WDR7: variants seen among roughly 807,000 people sequenced by gnomAD.
WDR7 encodes WD repeat-containing protein 7.
A neutral mutation model predicts 169.4 loss-of-function variants in WDR7; 46 were observed. That is an observed-to-expected ratio of 0.27 (90% CI 0.21 to 0.35). WDR7 has a LOEUF of 0.35. Ranked by LOEUF, WDR7 falls within the 10% of genes least tolerant of loss-of-function variation. The pLI, the probability that WDR7 is intolerant of heterozygous loss-of-function variation, is 1.00. For missense variants in WDR7, 1,534 were observed against 1,859.3 expected (o/e 0.83, Z 3.22); for synonymous variants, 612 against 666.8 (o/e 0.92, Z 1.27).
At position 57,010,457 on chromosome 18, in the gene WDR7, G is replaced by C. The variant is rs192957866; in HGVS notation, c.4165-10288G>C. The C allele has an allele frequency of 1.6e-5, 5 of 303,042 alleles. No individual in the cohort carries two copies. In the South Asian group the frequency reaches 5.2e-4, roughly 31 times the overall value. 18.8% of individuals were successfully genotyped at this position (303,042 alleles called of 1,614,324 possible). A position where few individuals can be genotyped will look rare whatever the true frequency, so the allele number is the denominator to read the frequency against. On this transcript the variant is annotated intron_variant, in intron 26 of 27. Coordinates refer to ENST00000254442, the MANE Select transcript of WDR7 (RefSeq NM_015285.3). ...TTTAAATGTTAAATTATATCAAAAC[G>C]TTATGTTTTCATTTATGTCTTTAGG...
intron 26 of WDR7, among the ~76,000 whole-genome samples, chr18:56,970,251 GT>G (rs34022808): frequency 0.05 from 7,070 of 140,832 alleles, 544 homozygotes; most frequent in African/African-American, 0.17. Flanking sequence ...TTTTTTTGCT[GT>G]TTTTTTTTTC....
intron 19 of WDR7, chr18:56,781,922 A>G (rs1408489792): frequency 1.6e-5 from 4 of 242,430 alleles, no homozygotes; most frequent in East Asian, 8.3e-5. Context: ...CAAACATCCT[A>G]CTCTAGTACT....
Position 56,939,291 on chromosome 18 carries a change from T to C in WDR7, c.3982-20T>C. 1.3e-6 allele frequency: 2 copies of C among 1,490,738 alleles called. No homozygotes were observed. Among genetic ancestry groups the C allele is most frequent in the Non-Finnish European group, 1.8e-6 (2 of 1,114,050 alleles). 92.3% of individuals were successfully genotyped at this position (1,490,738 alleles called of 1,614,324 possible). The stretch of plus-strand genomic sequence containing the variant: ...TTAAGTATTTGAAATTAATTTTAAA[T>C]CTGTTCTTTTCTGTCAAAGGTTATG... On this transcript the variant is annotated intron_variant, in intron 24 of 27. Coordinates refer to ENST00000254442, the MANE Select transcript of WDR7 (RefSeq NM_015285.3).
intron 20 of WDR7, among the ~76,000 whole-genome samples, chr18:56,822,073 T>A (rs1273550927): frequency 2.0e-5 from 3 of 152,156 alleles, no homozygotes; most frequent in Non-Finnish European, 4.4e-5. Context: ...ACTACAGGTG[T>A]GCTACTGTGT....
chr18:56,954,777 A>G (rs903058525), intron 25 of WDR7, among the ~76,000 whole-genome samples: 4 of 152,208 alleles, frequency 2.6e-5, no homozygotes, highest in African/African-American at 9.6e-5. Flanking sequence ...GAAACGTTAT[A>G]GCTATAACAC....
In WDR7 at chr18:56,685,998, T is replaced by C. The variant is rs780991602; in HGVS notation, c.563T>C (p.Val188Ala). The change falls in exon 6 of 28, where the codon GTC becomes GCC. Residue 188 changes from valine to alanine, a missense_variant. Physicochemically the swap from Val to Ala is moderately conservative, Grantham distance 64. Transcript: ENST00000254442. The part of the protein sequence containing the change: ...VALSVTGILK[V>A]WIVTSEISDM... Reference sequence around the variant, plus strand: ...CTCTCGGTGACTGGCATCCTGAAGGTCTGGATTGTTACCTCGGAAATAAGT... The same window carrying C: ...CTCTCGGTGACTGGCATCCTGAAGGCCTGGATTGTTACCTCGGAAATAAGT... The C allele has an allele frequency of 2.5e-6, 4 of 1,599,116 alleles. No individual in the cohort carries two copies. The highest frequency in any genetic ancestry group is 3.3e-4 in the Middle Eastern group (2 of 6,044).
Position 56,781,064 on chromosome 18 carries a change from ATTTG to A in WDR7, c.3067-463_3067-460del, listed in dbSNP as rs138826629. On this transcript the variant is annotated intron_variant, in intron 18 of 27. Transcript: ENST00000254442. The stretch of plus-strand genomic sequence containing the variant: ...ACGTGAATCATGTTAACTTATACGT[ATTTG>A]TTTGTATAAATAGTATCTACTTAGC... 7.4e-3 allele frequency among the ~76,000 whole-genome samples: 1,123 copies of A among 152,336 alleles called. 13 individuals are homozygous for A. The highest frequency in any genetic ancestry group is 0.024 in the African/African-American group (1,009 of 41,562).
At chr18:56,673,187 G>A (rs374107754) in intron 2 of WDR7, among the ~76,000 whole-genome samples, 2 of 118,580 alleles carry the variant, frequency 1.7e-5, no homozygotes, top group African/African-American at 3.3e-5. Context: ...ACACACACAC[G>A]TTCACACTGA....
chr18:56,753,485 A>C (rs1006718213), intron 14 of WDR7, among the ~76,000 whole-genome samples: 5 of 152,190 alleles, frequency 3.3e-5, no homozygotes, highest in African/African-American at 1.2e-4. Flanking sequence ...AAATTATATA[A>C]ATGTGGCAAA....
At chr18:56,919,987 T>C (rs1160602383) in intron 21 of WDR7, among the ~76,000 whole-genome samples, 2 of 152,176 alleles carry the variant, frequency 1.3e-5, no homozygotes, top group Non-Finnish European at 2.9e-5. Flanking sequence ...ATAAGGCCCT[T>C]TGTCCTGGAG....
At chr18:56,743,213 T>A (rs532731038) in intron 14 of WDR7, among the ~76,000 whole-genome samples, 1 of 152,196 alleles carries the variant, frequency 6.6e-6, no homozygotes, top group African/African-American at 2.4e-5. Context: ...AGGAGTTGCT[T>A]TGTTCATGGT....
chr18:56,703,520 A>G (rs1017980644), intron 12 of WDR7, among the ~76,000 whole-genome samples: 2 of 152,096 alleles, frequency 1.3e-5, no homozygotes, highest in African/African-American at 2.4e-5. Context: ...AAGCAGAACT[A>G]ACATTATTTT....
At position 57,029,599 on chromosome 18, in the gene WDR7, T is replaced by C. The variant is rs901437641; in HGVS notation, c.*2392T>C. 6.6e-6 allele frequency: 1 copy of C among 151,988 alleles called. No individual in the cohort carries two copies. The highest frequency in any genetic ancestry group is 2.4e-5 in the African/African-American group (1 of 41,360). 9.4% of individuals were successfully genotyped at this position (151,988 alleles called of 1,614,324 possible). A position where few individuals can be genotyped will look rare whatever the true frequency, so the allele number is the denominator to read the frequency against. On this transcript the variant is annotated 3_prime_UTR_variant, in exon 28 of 28. Transcript: ENST00000254442. ...ATATGTAGAGACATATGTGGCTTCATTGGTAATTTACAAGCAAAAGATGAC... is the reference window on the plus strand; with the variant it reads ...ATATGTAGAGACATATGTGGCTTCACTGGTAATTTACAAGCAAAAGATGAC...
At position 56,731,417 on chromosome 18, in the gene WDR7, A is replaced by G. The variant is rs2144806466; in HGVS notation, c.1809A>G (p.Ala603=). ...ATCGTTGTGTGATGGGGATAACAGC[A>G]GTTGAGATTCTAAACGCTTGTGATG... ...ALDRCVMGIT[A]VEILNACDEA... The change falls in exon 14 of 28, where the codon GCA becomes GCG. Residue 603 remains alanine (A), a synonymous_variant. Coordinates refer to ENST00000254442, the MANE Select transcript of WDR7 (RefSeq NM_015285.3). The G allele has an allele frequency of 6.2e-7, 1 of 1,614,192 alleles. No homozygotes were observed. Among genetic ancestry groups the G allele is most frequent in the Non-Finnish European group, 8.5e-7 (1 of 1,180,036 alleles).
rs1335017460 is a variant in WDR7, at chr18:56,682,844, C to T, written c.511C>T (p.Arg171Ter). 1.2e-6 allele frequency: 2 copies of T among 1,613,300 alleles called. No individual in the cohort carries two copies. Among genetic ancestry groups the T allele is most frequent in the Non-Finnish European group, 1.7e-6 (2 of 1,179,572 alleles). Residue 171 changes from arginine to a stop codon, truncating the protein, a stop_gained, in exon 5 of 28, where the codon CGA becomes TGA. Coordinates refer to ENST00000254442, the MANE Select transcript of WDR7 (RefSeq NM_015285.3). LOFTEE classifies it high-confidence loss of function. ...ISSMSIIRSH[R>*]TQEDTVVALS... Reference sequence around the variant, plus strand: ...CTCCATGAGTATTATTCGATCCCACCGAACACAAGGTCAGTGTATTATGCC... The same window carrying T: ...CTCCATGAGTATTATTCGATCCCACTGAACACAAGGTCAGTGTATTATGCC...
intron 7 of WDR7, among the ~76,000 whole-genome samples, chr18:56,690,792 G>T (rs1445529584): frequency 6.8e-6 from 1 of 148,028 alleles, no homozygotes; most frequent in East Asian, 2.0e-4. Flanking sequence ...TTCAGCCTGG[G>T]TGGCAGAGCA....
At chr18:56,883,739 C>T (rs765962242) in intron 21 of WDR7, among the ~76,000 whole-genome samples, 5 of 152,142 alleles carry the variant, frequency 3.3e-5, no homozygotes, top group Admixed American at 2.6e-4. Context: ...TTAGTTCCCA[C>T]GTATGAGTGA....
At chr18:56,978,374 T>C (rs2047596475) in intron 26 of WDR7, among the ~76,000 whole-genome samples, 1 of 151,736 alleles carries the variant, frequency 6.6e-6, no homozygotes, top group Admixed American at 6.5e-5. Context: ...CATGCATTCA[T>C]TGATTTAAGA....
intron 9 of WDR7, among the ~76,000 whole-genome samples, chr18:56,693,781 AG>A (rs1418407913): frequency 6.6e-6 from 1 of 151,974 alleles, no homozygotes; most frequent in Admixed American, 6.6e-5. Context: ...CATGTTGGCC[AG>A]GCTGGTCTTG....
Sources: gnomAD v4.1 joint callset for allele counts (sites outside exome capture counted in the v4.1 genomes callset) on GRCh38, gnomAD v4.1.1 for gene constraint, MANE v1.5 for transcripts, NCBI Gene and HGNC (gene_info 2026-07-23, HGNC 2026-07-21) for gene names.